The following PMPCA variants were observed in gnomAD, a reference collection of about 807,000 sequenced individuals.
PMPCA encodes the protein peptidase, mitochondrial processing subunit alpha.
PMPCA carries 47 observed loss-of-function variants against 59.3 expected under a neutral mutation model. The observed-to-expected ratio is 0.79, with a 90% CI of 0.63 to 1.01. The LOEUF is 1.01. Ranked by LOEUF, PMPCA falls within the 50% of genes least tolerant of loss-of-function variation. PMPCA has a pLI of 0.00. For missense variants in PMPCA, 726 were observed against 704.5 expected (o/e 1.03, Z -0.34); for synonymous variants, 338 against 290.3 (o/e 1.16, Z -1.67).
chr9:136,419,122 C>T lies in PMPCA; in HGVS notation c.1263+16C>T, dbSNP rs1368110595. The T allele has an allele frequency of 1.7e-5, 27 of 1,608,296 alleles. No homozygotes were observed. Among genetic ancestry groups the T allele is most frequent in the African/African-American group, 6.7e-5 (5 of 74,802 alleles). On this transcript the variant is annotated intron_variant, in intron 11 of 12. Transcript: ENST00000371717. ...CGTGGACACGGTAAGTGCAGTGTGG[C>T]GCCATTTCCAGGCGTACCTGTGGTG... is the stretch of plus-strand genomic sequence containing the variant.
chr9:136,418,966 C>T (rs1564423985), intron 10 of PMPCA, 48 bp downstream of exon 10: 2 of 1,600,264 alleles, frequency 1.2e-6, no homozygotes, highest in South Asian at 1.1e-5. Flanking sequence ...CCTGTCCAGA[C>T]CTGGGCGTCC....
rs1835198103 is a variant in PMPCA, at chr9:136,413,748, C to G, written c.438-805C>G. On this transcript the variant is annotated intron_variant, in intron 4 of 12. Coordinates refer to ENST00000371717, the MANE Select transcript of PMPCA (RefSeq NM_015160.3). ...GCTGGTGTCCTGACTCAGACCCAGC[C>G]CCCCTCGCCCTCAGCTCAGGCTTTT... Among the ~76,000 whole-genome samples, 5 of 152,144 alleles carry G rather than the reference C, an allele frequency of 3.3e-5. No individual in the cohort carries two copies. In the South Asian group the frequency reaches 1.0e-3, roughly 32 times the overall value.
chr9:136,413,342 G>A (rs1377006267), intron 4 of PMPCA, among the ~76,000 whole-genome samples: 2 of 152,304 alleles, frequency 1.3e-5, no homozygotes, highest in East Asian at 1.9e-4. Flanking sequence ...AGGGGCAAAA[G>A]GCACCGAGCC....
At chr9:136,423,068 G>A in intron 12 of PMPCA, 27 bp from the exon 13 acceptor site, 1 of 1,599,008 alleles carries the variant, frequency 6.3e-7, no homozygotes, top group South Asian at 1.1e-5. Context: ...GCGCGCTCGT[G>A]TGACACGCGT....
chr9:136,419,067 C>T lies in PMPCA; in HGVS notation c.1224C>T (p.Ile408=). The T allele has an allele frequency of 6.2e-7, 1 of 1,614,000 alleles. No individual in the cohort carries two copies. The highest frequency in any genetic ancestry group is 8.5e-7 in the Non-Finnish European group (1 of 1,179,800). Residue 408 remains isoleucine (I), a synonymous_variant, in exon 11 of 13, where the codon ATC becomes ATT. Transcript: ENST00000371717. ...PRQVREMVEI[I]TKEFILMGGT... Reference sequence around the variant, plus strand: ...AGGTTCGAGAAATGGTAGAAATCATCACAAAGGAGTTTATTTTAATGGGCG... The same window carrying T: ...AGGTTCGAGAAATGGTAGAAATCATTACAAAGGAGTTTATTTTAATGGGCG...
At position 136,414,585 on chromosome 9, in the gene PMPCA, G is replaced by C. The variant is rs773610585; in HGVS notation, c.470G>C (p.Ser157Thr). The change falls in exon 5 of 13, where the codon AGC becomes ACC. Residue 157 changes from serine (S) to threonine (T), a missense_variant. Transcript: ENST00000371717. ...ACCATGTATGCTGTGTCTGCTGATA[G>C]CAAAGGCTTGGACACGGTGGTTGCC... ...DTTMYAVSAD[S>T]KGLDTVVALL... 6.2e-7 allele frequency: 1 copy of C among 1,613,576 alleles called. No individual in the cohort carries two copies. The highest frequency in any genetic ancestry group is 8.5e-7 in the Non-Finnish European group (1 of 1,179,476).
chr9:136,416,841 T>TGCG (rs1314277247), intron 6 of PMPCA, 110 bp from the exon 7 acceptor site: 1 of 976,980 alleles, frequency 1.0e-6, no homozygotes, highest in African/African-American at 1.6e-5. Context: ...AATATCAGCT[T>TGCG]GCGTCGGATT....
intron 6 of PMPCA, chr9:136,416,689 C>A: frequency 1.7e-6 from 1 of 588,788 alleles, no homozygotes; most frequent in Admixed American, 3.1e-5. Flanking sequence ...ATACAATGTT[C>A]GTATTTTCCA....
chr9:136,417,306 T>C, intron 7 of PMPCA, 92 bp downstream of exon 7: 3 of 1,101,002 alleles, frequency 2.7e-6, no homozygotes, highest in Non-Finnish European at 3.9e-6. Context: ...CTGAGGGTGA[T>C]AGGTGTTGAC....
chr9:136,423,157 G>A lies in PMPCA; in HGVS notation c.1471G>A (p.Val491Met). 3 of 1,613,804 alleles carry A rather than the reference G, an allele frequency of 1.9e-6. No individual in the cohort carries two copies. The highest frequency in any genetic ancestry group is 2.5e-6 in the Non-Finnish European group (3 of 1,180,028). The change falls in exon 13 of 13, where the codon GTG becomes ATG. Residue 491 changes from valine (V) to methionine (M), a missense_variant. Transcript: ENST00000371717. ...TAAGATGCTCCGAGGGAAGCCGGCA[G>A]TGGCCGCCCTGGGTGACCTGACTGA... ...ASKMLRGKPAVAALGDLTDLP... is the reference protein window; with the variant it reads ...ASKMLRGKPAMAALGDLTDLP...
intron 3 of PMPCA, 110 bp from the exon 4 acceptor site, chr9:136,412,700 A>T: frequency 1.2e-6 from 1 of 824,398 alleles, no homozygotes; most frequent in East Asian, 2.5e-5. Flanking sequence ...TTTTAAGTTA[A>T]AAGATAATTT....
intron 5 of PMPCA, 69 bp from the exon 6 acceptor site, chr9:136,416,222 G>C: frequency 8.8e-7 from 1 of 1,136,812 alleles, no homozygotes. Context: ...CACACAAGCT[G>C]TGGGTCACTG....
At chr9:136,422,240 A>G (rs1835476978) in intron 12 of PMPCA, 3 of 1,411,596 alleles carry the variant, frequency 2.1e-6, no homozygotes, top group Middle Eastern at 1.9e-4. Flanking sequence ...AGGGGCTGTC[A>G]CTACTGCCCA....
chr9:136,415,295 G>A (rs546856325), intron 5 of PMPCA, among the ~76,000 whole-genome samples: 20 of 152,228 alleles, frequency 1.3e-4, no homozygotes, highest in Admixed American at 2.6e-4. Flanking sequence ...GTGTTTGAGA[G>A]AATGTGTATT....
rs1835271174 is a variant in PMPCA, at chr9:136,416,300, T to C, written c.542T>C (p.Val181Ala). 1 of 1,613,084 alleles carries C rather than the reference T, an allele frequency of 6.2e-7. No individual in the cohort carries two copies. The highest frequency in any genetic ancestry group is 1.7e-5 in the Admixed American group (1 of 59,996). Residue 181 changes from valine (V) to alanine (A), a missense_variant, in exon 6 of 13, where the codon GTC becomes GCC. Physicochemically the swap from Val to Ala is moderately conservative, Grantham distance 64. Coordinates refer to ENST00000371717, the MANE Select transcript of PMPCA (RefSeq NM_015160.3). ...VLQPRLTDEE[V>A]EMTRMAVQFE... ...TTGGGTTCTCTTGCAGATGAAGAAG[T>C]CGAGATGACGCGGATGGCGGTCCAG...
intron 4 of PMPCA, among the ~76,000 whole-genome samples, chr9:136,413,971 T>A (rs1835203506): frequency 6.6e-6 from 1 of 152,180 alleles, no homozygotes. Context: ...ACCCCATGAT[T>A]TCGTGCCTGT....
rs757900290 is a variant in PMPCA at position 136,423,089 on chromosome 9, C to T, written c.1409-6C>T. 13 of 1,610,024 alleles carry T rather than the reference C, an allele frequency of 8.1e-6. No homozygotes were observed. Among genetic ancestry groups the T allele is most frequent in the Non-Finnish European group, 1.1e-5 (13 of 1,178,688 alleles). ...TCGTGTGACACGCGTTTGCCCTCTG[C>T]ACTAGGCAACGTGAAGCCGGAAGAT... On this transcript the variant is annotated splice_region_variant and splice_polypyrimidine_tract_variant and intron_variant, in intron 12 of 12. Coordinates refer to ENST00000371717, the MANE Select transcript of PMPCA (RefSeq NM_015160.3).
rs764827907 is a variant in PMPCA, at chr9:136,423,084, C to T, written c.1409-11C>T. 1.9e-6 allele frequency: 3 copies of T among 1,608,910 alleles called. 1 individual carries two copies. Among genetic ancestry groups the T allele is most frequent in the South Asian group, 2.2e-5 (2 of 90,640 alleles). ...CGCGCTCGTGTGACACGCGTTTGCC[C>T]TCTGCACTAGGCAACGTGAAGCCGG... On this transcript the variant is annotated splice_polypyrimidine_tract_variant and intron_variant, in intron 12 of 12. Transcript: ENST00000371717.
rs772722626 is a variant in PMPCA at position 136,410,756 on chromosome 9, C to T, written c.71+17C>T. 1.1e-5 allele frequency: 15 copies of T among 1,397,104 alleles called. No homozygotes were observed. The highest frequency in any genetic ancestry group is 1.4e-5 in the Non-Finnish European group (15 of 1,080,754). 86.5% of individuals were successfully genotyped at this position (1,397,104 alleles called of 1,614,324 possible). ...GCGGCTGAGGTGAGCCAAAGGCGAA[C>T]CAGGCTTCGGCCTGGGGCGGGGGCG... On this transcript the variant is annotated intron_variant, in intron 1 of 12. Coordinates refer to ENST00000371717, the MANE Select transcript of PMPCA (RefSeq NM_015160.3).
Sources: gnomAD v4.1 joint callset for allele counts (sites outside exome capture counted in the v4.1 genomes callset) on GRCh38, gnomAD v4.1.1 for gene constraint, MANE v1.5 for transcripts, NCBI Gene and HGNC (gene_info 2026-07-23, HGNC 2026-07-21) for gene names.